Variants in ARF4 observed in about 807,000 individuals in gnomAD.
ARF4 encodes ARF GTPase 4, also known as ADP-ribosylation factor 4.
Under a neutral mutation model 24.3 loss-of-function variants are expected in ARF4, and 5 were observed. The ratio of observed to expected loss-of-function variants is 0.21; its 90% CI spans 0.11 to 0.43. The LOEUF (loss-of-function observed/expected upper bound fraction) is 0.43. Among genes scored for constraint, ARF4 ranks in the 20% least tolerant of loss-of-function variants. The pLI is 1.00. For synonymous variants in ARF4, 62 were observed against 73.5 expected, an observed-to-expected ratio of 0.84 and a Z score of 0.80; for missense variants, 107 against 213.0, an observed-to-expected ratio of 0.50 and a Z score of 3.10.
intron 1 of ARF4, among the ~76,000 whole-genome samples, chr3:57,591,712 G>A (rs1167529599): frequency 1.3e-5 from 2 of 152,018 alleles, no homozygotes; most frequent in Non-Finnish European, 2.9e-5. Context: ...TGATCTGCCC[G>A]CCTCAGCCTC....
At position 57,571,742 on chromosome 3, in the gene ARF4, G is replaced by C. The variant is rs2069845041; in HGVS notation, c.*470C>G. The C allele has an allele frequency of 6.3e-6, 1 of 158,714 alleles. No homozygotes were observed. Among genetic ancestry groups the C allele is most frequent in the Non-Finnish European group, 1.4e-5 (1 of 71,780 alleles). 9.8% of individuals were successfully genotyped at this position (158,714 alleles called of 1,614,324 possible). ...TGCAAGAGAGCTGAGTAGTGTTTTG[G>C]ATCTTTCTCTGGCTGGTACAAGCAG... is the stretch of plus-strand genomic sequence containing the variant. On this transcript the variant is annotated 3_prime_UTR_variant, in exon 6 of 6. Transcript: ENST00000303436.
intron 3 of ARF4, among the ~76,000 whole-genome samples, chr3:57,581,038 G>C (rs528867255): frequency 6.6e-6 from 1 of 152,268 alleles, no homozygotes; most frequent in Non-Finnish European, 1.5e-5. Context: ...GTGAAGAAAA[G>C]CTAGGATTCT....
intron 1 of ARF4, among the ~76,000 whole-genome samples, chr3:57,593,408 T>A (rs1204488679): frequency 6.6e-6 from 1 of 152,056 alleles, no homozygotes; most frequent in Non-Finnish European, 1.5e-5. Flanking sequence ...GAAACAAATA[T>A]AAAACACCAC....
chr3:57,588,697 C>T (rs1411680204), intron 1 of ARF4, among the ~76,000 whole-genome samples: 1 of 127,744 alleles, frequency 7.8e-6, no homozygotes, highest in African/African-American at 3.1e-5. Flanking sequence ...CTACTCACAC[C>T]TGTAATCCCA....
intron 1 of ARF4, among the ~76,000 whole-genome samples, chr3:57,589,013 A>G (rs1339149766): frequency 1.3e-5 from 2 of 150,442 alleles, no homozygotes; most frequent in African/African-American, 2.5e-5. Flanking sequence ...GAGGCAGGAG[A>G]ATTGCTTGAA....
chr3:57,573,933 G>T (rs1030065996), intron 5 of ARF4, among the ~76,000 whole-genome samples: 30 of 146,546 alleles, frequency 2.0e-4, no homozygotes, highest in Middle Eastern at 3.9e-3. Context: ...GCAATAGGTT[G>T]TTTTTTTTTG....
intron 1 of ARF4, 28 bp downstream of exon 1, chr3:57,597,046 C>T: frequency 6.2e-7 from 1 of 1,611,296 alleles, no homozygotes; most frequent in South Asian, 1.1e-5. Context: ...TTTCCCAGGT[C>T]CCGCCTGACT....
intron 1 of ARF4, among the ~76,000 whole-genome samples, chr3:57,585,765 C>T (rs1026416758): frequency 2.0e-5 from 3 of 149,198 alleles, no homozygotes; most frequent in Admixed American, 6.8e-5. Context: ...CAGGTTCAAG[C>T]GATTCTCCTA....
chr3:57,575,431 A>G, intron 5 of ARF4, 117 bp downstream of exon 5: 1 of 1,023,490 alleles, frequency 9.8e-7, no homozygotes, highest in South Asian at 2.9e-5. Flanking sequence ...TAAATAAATG[A>G]TGTGCTCATT....
Position 57,597,219 on chromosome 3 carries a change from G to A in ARF4, c.-79C>T. On this transcript the variant is annotated 5_prime_UTR_variant, in exon 1 of 6. Coordinates refer to ENST00000303436, the MANE Select transcript of ARF4 (RefSeq NM_001660.4). Reference sequence around the variant, plus strand: ...GTGCTTTCTCCTTTCAAGCTCCCAGGCAAACTAAACGAGAGGGAAGAGAAA... The same window carrying A: ...GTGCTTTCTCCTTTCAAGCTCCCAGACAAACTAAACGAGAGGGAAGAGAAA... 3 of 1,389,488 alleles carry A rather than the reference G, an allele frequency of 2.2e-6. No homozygotes were observed. The highest frequency in any genetic ancestry group is 2.4e-5 in the East Asian group (1 of 42,452). The allele number at this position is 1,389,488 out of a possible 1,614,324, so 86.1% of individuals were successfully genotyped here. A position where few individuals can be genotyped will look rare whatever the true frequency, so the allele number is the denominator to read the frequency against.
At chr3:57,584,734 C>T (rs1436445336) in intron 1 of ARF4, among the ~76,000 whole-genome samples, 2 of 152,048 alleles carry the variant, frequency 1.3e-5, no homozygotes, top group Non-Finnish European at 2.9e-5. Context: ...TCTAGCTTTG[C>T]GACAAACTAG....
chr3:57,591,040 C>T (rs1006468603), intron 1 of ARF4, among the ~76,000 whole-genome samples: 1 of 152,066 alleles, frequency 6.6e-6, no homozygotes, highest in Non-Finnish European at 1.5e-5. Context: ...CCAGAAATGT[C>T]CCCCACAGTC....
chr3:57,596,996 A>C (rs1229985063), intron 1 of ARF4, 78 bp downstream of exon 1: 4 of 1,392,002 alleles, frequency 2.9e-6, no homozygotes, highest in East Asian at 2.4e-5. Flanking sequence ...CGGAGGAAAA[A>C]AACAGGCCCA....
intron 1 of ARF4, 154 bp downstream of exon 1, chr3:57,596,920 T>C (rs2070195938): frequency 4.1e-6 from 3 of 726,098 alleles, no homozygotes; most frequent in South Asian, 1.8e-5. Context: ...CACCCTCCGC[T>C]CCATTGTTCC....
chr3:57,575,733 C>T (rs2069895092), intron 4 of ARF4, 60 bp from the exon 5 acceptor site: 1 of 1,528,722 alleles, frequency 6.5e-7, no homozygotes, highest in Non-Finnish European at 8.8e-7. Flanking sequence ...TTGAAAATGT[C>T]TTCCTATATA....
At chr3:57,583,728 GT>G (rs2070003252) in intron 3 of ARF4, among the ~76,000 whole-genome samples, 169 bp downstream of exon 3, 5 of 152,056 alleles carry the variant, frequency 3.3e-5, no homozygotes. Context: ...CCCTATATAA[GT>G]TAGCCTTCAA....
At position 57,576,556 on chromosome 3, in the gene ARF4, A is replaced by T. The variant is rs543192551; in HGVS notation, c.330+760T>A. Among the ~76,000 whole-genome samples the T allele has an allele frequency of 2.2e-5, 3 of 136,784 alleles. No individual in the cohort carries two copies. In the South Asian group the frequency reaches 6.7e-4, roughly 31 times the overall value. 89.7% of individuals were successfully genotyped at this position (136,784 alleles called of 152,430 possible). On this transcript the variant is annotated intron_variant, in intron 4 of 5. Coordinates refer to ENST00000303436, the MANE Select transcript of ARF4 (RefSeq NM_001660.4). Reference sequence around the variant, plus strand: ...AGGGAAAGCTGGTGACATTTGACTCAGGCAAAAATCCAACAATGACTTAGT... The same window carrying T: ...AGGGAAAGCTGGTGACATTTGACTCTGGCAAAAATCCAACAATGACTTAGT...
In ARF4 at chr3:57,577,472, G is replaced by A. The variant is rs1351016815; in HGVS notation, c.259-85C>T. 4.0e-6 allele frequency: 4 copies of A among 1,007,770 alleles called. No homozygotes were observed. The African/African-American group carries it at 4.8e-5, about 12-fold the overall frequency. 62.4% of individuals were successfully genotyped at this position (1,007,770 alleles called of 1,614,324 possible). ...GTGTAGGCAGCAAAATGGTACCAATGGTTAGACATTAGGAAGAAAATGTCT... is the reference window on the plus strand; with the variant it reads ...GTGTAGGCAGCAAAATGGTACCAATAGTTAGACATTAGGAAGAAAATGTCT... On this transcript the variant is annotated intron_variant, in intron 3 of 5. Transcript: ENST00000303436.
In ARF4 at chr3:57,572,145, T is replaced by C; in HGVS notation, c.*67A>G. The C allele has an allele frequency of 7.9e-7, 1 of 1,261,814 alleles. No individual in the cohort carries two copies. Among genetic ancestry groups the C allele is most frequent in the Non-Finnish European group, 1.2e-6 (1 of 861,820 alleles). The allele number at this position is 1,261,814 out of a possible 1,614,324, so 78.2% of individuals were successfully genotyped here. A position where few individuals can be genotyped will look rare whatever the true frequency, so the allele number is the denominator to read the frequency against. The stretch of plus-strand genomic sequence containing the variant: ...ACTGTTTAATAACCAAGATACAAAC[T>C]AATTTTGTTGTAACAAGCCTAGACC... On this transcript the variant is annotated 3_prime_UTR_variant, in exon 6 of 6. Transcript: ENST00000303436.
Sources: gnomAD v4.1 joint callset for allele counts (sites outside exome capture counted in the v4.1 genomes callset) on GRCh38, gnomAD v4.1.1 for gene constraint, MANE v1.5 for transcripts, NCBI Gene and HGNC (gene_info 2026-07-23, HGNC 2026-07-21) for gene names.